Variants in RGS6 observed in about 807,000 individuals in gnomAD.
RGS6 encodes regulator of G protein signaling 6, also known as regulator of G-protein signaling 6.
Under a neutral mutation model 78.5 loss-of-function variants are expected in RGS6, and 30 were observed. The observed-to-expected ratio is 0.38, with a 90% confidence interval of 0.29 to 0.52. RGS6 has a LOEUF of 0.52. RGS6 is among the 20% of genes least tolerant of loss of function. The pLI is 0.85. For synonymous variants in RGS6, 206 were observed against 206.0 expected, an observed-to-expected ratio of 1.00 and a Z score of 0.00; for missense variants, 495 against 609.7, an observed-to-expected ratio of 0.81 and a Z score of 1.98.
Position 72,397,762 on chromosome 14 carries a change from C to T in RGS6, c.184+45568C>T, listed in dbSNP as rs538953130. ...TTATTGAGAGTTTTTTAGCATGAAG[C>T]GTTGTTGAATTTTGTCAAAGGCCTT... On this transcript the variant is annotated intron_variant, in intron 3 of 17. Transcript: ENST00000553525. Among the ~76,000 whole-genome samples the T allele has an allele frequency of 2.0e-5, 3 of 152,146 alleles. No individual in the cohort carries two copies. The East Asian group carries it at 5.8e-4, about 29-fold the overall frequency.
chr14:71,877,401 C>A, the RGS6 span, among the ~76,000 whole-genome samples: 1 of 152,166 alleles, frequency 6.6e-6, no homozygotes, highest in Non-Finnish European at 1.5e-5. Context: ...CTCTAAACTT[C>A]TCTTCTCACT....
At chr14:72,481,093 A>T (rs1046386557) in intron 12 of RGS6, among the ~76,000 whole-genome samples, 1 of 151,954 alleles carries the variant, frequency 6.6e-6, no homozygotes, top group Non-Finnish European at 1.5e-5. Context: ...TACCCCTGCC[A>T]TTTCCTGTTT....
chr14:72,393,912 A>G (rs2090566809), intron 3 of RGS6, among the ~76,000 whole-genome samples: 1 of 152,336 alleles, frequency 6.6e-6, no homozygotes, highest in Middle Eastern at 3.4e-3. Context: ...GTGTCTTAAA[A>G]ATGGAGTTGT....
At chr14:72,337,816 T>A (rs1339205880) in intron 2 of RGS6, among the ~76,000 whole-genome samples, 1 of 152,244 alleles carries the variant, frequency 6.6e-6, no homozygotes, top group Non-Finnish European at 1.5e-5. Context: ...TATTTTCAGA[T>A]GCTGGTATTT....
At chr14:72,302,245 C>T (rs2066230879) in intron 2 of RGS6, among the ~76,000 whole-genome samples, 1 of 152,216 alleles carries the variant, frequency 6.6e-6, no homozygotes. Context: ...AGAGTGGACA[C>T]CTTTTACAGG....
chr14:72,157,346 G>C (rs2096787262), intron 2 of RGS6, among the ~76,000 whole-genome samples: 1 of 152,126 alleles, frequency 6.6e-6, no homozygotes, highest in Non-Finnish European at 1.5e-5. Flanking sequence ...AGGTTTTCTA[G>C]CCCCAGAAGT....
In RGS6 at chr14:72,495,132, G is replaced by T; in HGVS notation, c.855-20G>T. The T allele has an allele frequency of 7.1e-7, 1 of 1,402,866 alleles. No homozygotes were observed. The highest frequency in any genetic ancestry group is 1.0e-6 in the Non-Finnish European group (1 of 987,400). 86.9% of individuals were successfully genotyped at this position (1,402,866 alleles called of 1,614,324 possible). A position where few individuals can be genotyped will look rare whatever the true frequency, so the allele number is the denominator to read the frequency against. On this transcript the variant is annotated intron_variant, in intron 12 of 17. Transcript: ENST00000553525. ...TCTAAGGAAATCAGTGGCATTCTTT[G>T]CTCTGCCTCCCTCCTGCAGTTTAAT...
intron 12 of RGS6, among the ~76,000 whole-genome samples, chr14:72,491,163 C>A (rs2096572741): frequency 6.6e-6 from 1 of 152,118 alleles, no homozygotes; most frequent in African/African-American, 2.4e-5. Context: ...GATGCTGACA[C>A]ACAAGCTGGC....
At chr14:72,131,917 G>C (rs965252544) in intron 2 of RGS6, among the ~76,000 whole-genome samples, 3 of 152,174 alleles carry the variant, frequency 2.0e-5, no homozygotes, top group African/African-American at 7.2e-5. Context: ...TGGTTATACT[G>C]TCGGTTGTTT....
rs563552344 is a variant in RGS6, at chr14:72,465,550, CTGGA to C, written c.395-160_395-157del. 0.11 allele frequency among the ~76,000 whole-genome samples: 11,552 copies of C among 109,786 alleles called. 1,047 individuals are homozygous for C. Among genetic ancestry groups the C allele is most frequent in the East Asian group, 0.45 (1,574 of 3,472 alleles). 72.0% of individuals were successfully genotyped at this position (109,786 alleles called of 152,430 possible). A position where few individuals can be genotyped will look rare whatever the true frequency, so the allele number is the denominator to read the frequency against. Reference sequence around the variant, plus strand: ...TAGCAAGGGTGGGTGGGCGGGCTGTCTGGATGGATGGATGGATGGATGGATGGAT... The same window carrying C: ...TAGCAAGGGTGGGTGGGCGGGCTGTCTGGATGGATGGATGGATGGATGGAT... On this transcript the variant is annotated intron_variant, in intron 6 of 17. Transcript: ENST00000553525.
chr14:72,572,084 G>T, the RGS6 span, among the ~76,000 whole-genome samples: 1 of 152,192 alleles, frequency 6.6e-6, no homozygotes, highest in South Asian at 2.1e-4. Flanking sequence ...CTAGGGAAAT[G>T]CAAATAAATT....
At chr14:72,006,676 T>C (rs2084632272) in intron 2 of RGS6, among the ~76,000 whole-genome samples, 1 of 152,234 alleles carries the variant, frequency 6.6e-6, no homozygotes, top group African/African-American at 2.4e-5. Flanking sequence ...TCCGTCTAAA[T>C]GGCTCCCAAT....
chr14:72,597,359 G>A, the RGS6 span, among the ~76,000 whole-genome samples: 1 of 152,320 alleles, frequency 6.6e-6, no homozygotes, highest in East Asian at 1.9e-4. Flanking sequence ...CGTTGTAAAG[G>A]CTCAGTAGCT....
intron 2 of RGS6, among the ~76,000 whole-genome samples, chr14:72,263,686 A>G (rs1381866978): frequency 1.3e-5 from 2 of 152,174 alleles, no homozygotes; most frequent in African/African-American, 4.8e-5. Context: ...CCATGTGAGG[A>G]CACAGAAGAC....
intron 3 of RGS6, among the ~76,000 whole-genome samples, chr14:72,413,250 T>G (rs146915733): frequency 0.028 from 4,244 of 152,316 alleles, 205 homozygotes; most frequent in African/African-American, 0.097. Flanking sequence ...ATCTGGGTGC[T>G]CCTGTATTAG....
At chr14:72,148,908 T>A (rs1483778450) in intron 2 of RGS6, among the ~76,000 whole-genome samples, 1 of 152,218 alleles carries the variant, frequency 6.6e-6, no homozygotes, top group Admixed American at 6.5e-5. Flanking sequence ...ATTCCAGTTA[T>A]CTAACATTGC....
intron 2 of RGS6, among the ~76,000 whole-genome samples, chr14:72,038,248 G>A (rs1476522737): frequency 2.0e-5 from 3 of 152,156 alleles, no homozygotes; most frequent in Non-Finnish European, 4.4e-5. Flanking sequence ...GGGATTACAG[G>A]TCTGAGCCAC....
At chr14:72,368,386 T>C (rs2082820875) in intron 3 of RGS6, among the ~76,000 whole-genome samples, 2 of 152,222 alleles carry the variant, frequency 1.3e-5, no homozygotes, top group Admixed American at 1.3e-4. Flanking sequence ...CATTCATTAA[T>C]GATCCCATCT....
At chr14:71,983,513 G>T (rs989940131) in intron 2 of RGS6, among the ~76,000 whole-genome samples, 1 of 152,214 alleles carries the variant, frequency 6.6e-6, no homozygotes, top group Non-Finnish European at 1.5e-5. Context: ...CAAGGACTGG[G>T]CAGGGCTACG....
Sources: allele counts gnomAD v4.1 joint callset (sites outside exome capture counted in the v4.1 genomes callset), GRCh38; gene constraint gnomAD v4.1.1; transcripts MANE v1.5; gene names NCBI Gene and HGNC (gene_info 2026-07-23, HGNC 2026-07-21).